MFHAS1: variants seen among roughly 807,000 people sequenced by gnomAD.
MFHAS1 encodes malignant fibrous histiocytoma-amplified sequence 1.
A neutral mutation model predicts 70.4 loss-of-function variants in MFHAS1; 50 were observed. The observed-to-expected ratio is 0.71, with a 90% CI of 0.57 to 0.90. The LOEUF (loss-of-function observed/expected upper bound fraction) is 0.90, where lower values mean the gene tolerates loss of function less well. Ranked by LOEUF, MFHAS1 falls within the 40% of genes least tolerant of loss-of-function variation. MFHAS1 has a pLI of 0.00. For synonymous variants in MFHAS1, 952 were observed against 620.0 expected (o/e 1.54, Z -7.96); for missense variants, 1,795 against 1,347.6 (o/e 1.33, Z -5.20).
intron 1 of MFHAS1, among the ~76,000 whole-genome samples, chr8:8,842,328 G>A (rs1309009164): frequency 1.3e-5 from 2 of 152,004 alleles, no homozygotes; most frequent in Non-Finnish European, 2.9e-5. Context: ...TAGGATTACA[G>A]GCACCCACCA....
At chr8:8,823,687 C>A (rs1355292315) in intron 1 of MFHAS1, among the ~76,000 whole-genome samples, 1 of 150,444 alleles carries the variant, frequency 6.6e-6, no homozygotes. Flanking sequence ...CCTAATTCTC[C>A]CGTCTTCAGT....
chr8:8,816,997 A>G (rs1806771213), intron 1 of MFHAS1, among the ~76,000 whole-genome samples: 1 of 152,212 alleles, frequency 6.6e-6, no homozygotes, highest in East Asian at 1.9e-4. Context: ...TGTAACTTAA[A>G]AGTGAGACAC....
intron 1 of MFHAS1, among the ~76,000 whole-genome samples, chr8:8,800,932 C>G (rs1055224721): frequency 1.3e-5 from 2 of 152,074 alleles, no homozygotes; most frequent in African/African-American, 2.4e-5. Flanking sequence ...TTTGAAATAA[C>G]AGGCTGGGTG....
chr8:8,783,604 C>A lies in MFHAS1; in HGVS notation c.*2418G>T, dbSNP rs1467944974. 2.0e-5 allele frequency: 3 copies of A among 151,970 alleles called. No individual in the cohort carries two copies. Among genetic ancestry groups the A allele is most frequent in the African/African-American group, 7.3e-5 (3 of 41,356 alleles). The allele number at this position is 151,970 out of a possible 1,614,324, so 9.4% of individuals were successfully genotyped here. A position where few individuals can be genotyped will look rare whatever the true frequency, so the allele number is the denominator to read the frequency against. On this transcript the variant is annotated 3_prime_UTR_variant, in exon 3 of 3. Coordinates refer to ENST00000276282, the MANE Select transcript of MFHAS1 (RefSeq NM_004225.3). ...GGGAAAAACATTTATTTTGGCAGTG[C>A]TTTGACAATTCCAGGAAGTGGTTTT...
intron 1 of MFHAS1, among the ~76,000 whole-genome samples, chr8:8,872,074 G>A (rs948263667): frequency 1.3e-5 from 2 of 152,220 alleles, no homozygotes; most frequent in African/African-American, 4.8e-5. Context: ...GCATAAACAT[G>A]CCCGGATGGC....
In MFHAS1 at chr8:8,892,116, T is replaced by C. The variant is rs773920776; in HGVS notation, c.943A>G (p.Ile315Val). The C allele has an allele frequency of 1.9e-6, 3 of 1,612,608 alleles. No individual in the cohort carries two copies. The highest frequency in any genetic ancestry group is 2.5e-6 in the Non-Finnish European group (3 of 1,179,938). Residue 315 changes from isoleucine to valine, a missense_variant, in exon 1 of 3, where the codon ATC (isoleucine) becomes GTC (valine). Physicochemically the swap from Ile to Val is conservative, Grantham distance 29 (BLOSUM62 3). Coordinates refer to ENST00000276282, the MANE Select transcript of MFHAS1 (RefSeq NM_004225.3). This position sits in a 1 kb window ranked among gnomAD's most constrained non-coding sequence, Gnocchi z 4.7. ...GTGAGAAGCCGGCCCAGGCCCGAGA[T>C]AAGGGATGGCACCGAGGTGAGCTGG... ...RNQLTSVPSL[I>V]SGLGRLLTLW...
intron 1 of MFHAS1, among the ~76,000 whole-genome samples, chr8:8,883,489 C>T (rs965295547): frequency 6.6e-6 from 1 of 151,440 alleles, no homozygotes; most frequent in Admixed American, 6.6e-5. Flanking sequence ...GGGTGGATCA[C>T]GTGAGGTCAG....
At chr8:8,876,200 G>C (rs1809287599) in intron 1 of MFHAS1, among the ~76,000 whole-genome samples, 1 of 152,146 alleles carries the variant, frequency 6.6e-6, no homozygotes, top group Admixed American at 6.5e-5. Flanking sequence ...ACAGGGATTA[G>C]AGCCCAGCAG....
rs1290492003 is a variant in MFHAS1, at chr8:8,889,004, T to G, written c.2998+1057A>C. Among the ~76,000 whole-genome samples, 5 of 129,482 alleles carry G rather than the reference T, an allele frequency of 3.9e-5. No homozygotes were observed. The East Asian group carries it at 1.1e-3, about 28-fold the overall frequency. The allele number at this position is 129,482 out of a possible 152,430, so 84.9% of individuals were successfully genotyped here. Reference sequence around the variant, plus strand: ...TTCAGTTTTGCTATAAACTTAAAACTGCTCTAAGAAAAAAAAAAAAGTCTT... The same window carrying G: ...TTCAGTTTTGCTATAAACTTAAAACGGCTCTAAGAAAAAAAAAAAAGTCTT... On this transcript the variant is annotated intron_variant, in intron 1 of 2. Coordinates refer to ENST00000276282, the MANE Select transcript of MFHAS1 (RefSeq NM_004225.3).
chr8:8,787,277 TC>T (rs995488150), intron 2 of MFHAS1, among the ~76,000 whole-genome samples: 5 of 152,138 alleles, frequency 3.3e-5, no homozygotes, highest in African/African-American at 1.2e-4. Flanking sequence ...AGATGGGGTT[TC>T]ACCATGTTAG....
rs1340512874 is a variant in MFHAS1, at chr8:8,785,091, CA to C, written c.*930del. On this transcript the variant is annotated 3_prime_UTR_variant, in exon 3 of 3. Transcript: ENST00000276282. Reference sequence around the variant, plus strand: ...TCTGCTAAGTAAGGTACTTATTAAGCAGAGCACTTTGTAAGATTCAGAACTG... The same window carrying C: ...TCTGCTAAGTAAGGTACTTATTAAGCGAGCACTTTGTAAGATTCAGAACTG... The C allele has an allele frequency of 6.6e-6, 1 of 152,140 alleles. No homozygotes were observed. Among genetic ancestry groups the C allele is most frequent in the East Asian group, 1.9e-4 (1 of 5,194 alleles). 9.4% of individuals were successfully genotyped at this position (152,140 alleles called of 1,614,324 possible). A position where few individuals can be genotyped will look rare whatever the true frequency, so the allele number is the denominator to read the frequency against.
chr8:8,831,801 T>C (rs1421188534), intron 1 of MFHAS1, among the ~76,000 whole-genome samples: 1 of 151,746 alleles, frequency 6.6e-6, no homozygotes, highest in Non-Finnish European at 1.5e-5. Flanking sequence ...TAGAGACGGG[T>C]TTCACCATGT....
chr8:8,865,141 G>A (rs540385424), intron 1 of MFHAS1, among the ~76,000 whole-genome samples: 70 of 152,062 alleles, frequency 4.6e-4, no homozygotes, highest in African/African-American at 1.6e-3. Flanking sequence ...GCTGGGCACG[G>A]TGGCATGCAC....
intron 1 of MFHAS1, among the ~76,000 whole-genome samples, chr8:8,817,099 A>T (rs936365629): frequency 6.6e-6 from 1 of 152,226 alleles, no homozygotes; most frequent in Non-Finnish European, 1.5e-5. Flanking sequence ...GGCTGCTTTC[A>T]GTATAGAAGC....
At chr8:8,797,704 A>G (rs1411160069) in intron 1 of MFHAS1, among the ~76,000 whole-genome samples, 1 of 151,998 alleles carries the variant, frequency 6.6e-6, no homozygotes, top group Non-Finnish European at 1.5e-5. Context: ...CGTGGAGAAA[A>G]TTTTCATGGT....
chr8:8,838,934 G>A (rs1047253908), intron 1 of MFHAS1, among the ~76,000 whole-genome samples: 1 of 152,060 alleles, frequency 6.6e-6, no homozygotes, highest in South Asian at 2.1e-4. Context: ...CTAAGCAAAG[G>A]CATGTACCAT....
intron 1 of MFHAS1, among the ~76,000 whole-genome samples, chr8:8,831,204 A>C (rs547714250): frequency 6.6e-6 from 1 of 151,852 alleles, no homozygotes; most frequent in Admixed American, 6.6e-5. Context: ...AACCACCCTC[A>C]TGATCTCATT....
At chr8:8,787,741 G>C (rs73200026) in intron 2 of MFHAS1, among the ~76,000 whole-genome samples, 1 of 152,190 alleles carries the variant, frequency 6.6e-6, no homozygotes, top group Admixed American at 6.5e-5. Flanking sequence ...CGTGGGAGAT[G>C]TGTTACATAA....
chr8:8,832,448 CACACACAG>C (rs1362622508), intron 1 of MFHAS1, among the ~76,000 whole-genome samples: 37 of 149,900 alleles, frequency 2.5e-4, no homozygotes, highest in African/African-American at 4.2e-4. Flanking sequence ...CACACACACA[CACACACAG>C]AGCCAGTAAC....
Sources: allele counts gnomAD v4.1 joint callset (sites outside exome capture counted in the v4.1 genomes callset), GRCh38; gene constraint gnomAD v4.1.1; non-coding constraint Gnocchi (gnomAD v3.1); transcripts MANE v1.5; gene names NCBI Gene and HGNC (gene_info 2026-07-23, HGNC 2026-07-21).